Variants in FAT3 observed in about 807,000 individuals in gnomAD.
The protein encoded by FAT3 is protocadherin Fat 3.
A neutral mutation model predicts 310.2 loss-of-function variants in FAT3; 95 were observed. That is an observed-to-expected ratio of 0.31 (90% confidence interval 0.26 to 0.36). The LOEUF is 0.36. Among genes scored for constraint, FAT3 ranks in the 10% least tolerant of loss-of-function variants. The pLI, the probability that FAT3 is intolerant of heterozygous loss-of-function variation, is 1.00. For synonymous variants in FAT3, 2,314 were observed against 2,192.9 expected, an observed-to-expected ratio of 1.06 and a Z score of -1.54; for missense variants, 5,408 against 5,715.6, an observed-to-expected ratio of 0.95 and a Z score of 1.74.
intron 19 of FAT3, among the ~76,000 whole-genome samples, chr11:92,850,833 G>A (rs1948809308): frequency 6.6e-6 from 1 of 152,184 alleles, no homozygotes; most frequent in Non-Finnish European, 1.5e-5. Context: ...CATAAATATG[G>A]TAGCGAAACC....
intron 2 of FAT3, among the ~76,000 whole-genome samples, chr11:92,388,867 G>T (rs537182834): frequency 6.6e-6 from 1 of 152,292 alleles, no homozygotes; most frequent in South Asian, 2.1e-4. Flanking sequence ...GGACCAGATG[G>T]CAGACTTGTT....
At chr11:92,510,129 C>G (rs1386193522) in intron 2 of FAT3, among the ~76,000 whole-genome samples, 1 of 152,144 alleles carries the variant, frequency 6.6e-6, no homozygotes, top group Non-Finnish European at 1.5e-5. Flanking sequence ...TTCTAGATAT[C>G]TAACTGAAAT....
At chr11:92,277,048 G>C (rs1946292749) in intron 1 of FAT3, among the ~76,000 whole-genome samples, 1 of 152,164 alleles carries the variant, frequency 6.6e-6, no homozygotes, top group South Asian at 2.1e-4. Flanking sequence ...GCACCTAGCA[G>C]TTGCTAGGTG....
chr11:92,402,073 T>G (rs1950026775), intron 2 of FAT3, among the ~76,000 whole-genome samples: 1 of 152,178 alleles, frequency 6.6e-6, no homozygotes, highest in Admixed American at 6.6e-5. Context: ...TTTAATTTGT[T>G]AAAGGTTCTA....
At chr11:92,806,555 A>T in intron 12 of FAT3, 40 bp downstream of exon 12, 1 of 1,502,684 alleles carries the variant, frequency 6.7e-7, no homozygotes, top group Non-Finnish European at 9.0e-7. Flanking sequence ...GTCATTGTTA[A>T]TTCATGAGAG....
chr11:92,799,985 T>C lies in FAT3; in HGVS notation c.6972T>C (p.Tyr2324=). 1.2e-6 allele frequency: 2 copies of C among 1,613,770 alleles called. No individual in the cohort carries two copies. The highest frequency in any genetic ancestry group is 1.7e-6 in the Non-Finnish European group (2 of 1,179,794). ...ADSENNKMVH[Y]QIVQDTYNST... ...CAGAAAACAATAAAATGGTACATTA[T>C]CAGATTGTCCAGGATACCTACAATA... Residue 2324 remains tyrosine, a synonymous_variant, in exon 10 of 28, where the codon TAT becomes TAC. Transcript: ENST00000525166.
chr11:92,697,814 A>C (rs1010522675), intron 4 of FAT3, among the ~76,000 whole-genome samples: 2 of 152,142 alleles, frequency 1.3e-5, no homozygotes, highest in African/African-American at 4.8e-5. Flanking sequence ...TTTATGAGGA[A>C]GCTTTGCTTT....
chr11:92,369,163 T>C lies in FAT3; in HGVS notation c.3292+13759T>C, dbSNP rs539311350. Among the ~76,000 whole-genome samples the C allele has an allele frequency of 2.6e-5, 4 of 152,326 alleles. No individual in the cohort carries two copies. In the East Asian group the frequency reaches 7.7e-4, roughly 29 times the overall value. ...ATTTTGAACTGATGCGGTTAAAATATATTTTGCAAAATTTATAAAAATGTA... is the reference window on the plus strand; with the variant it reads ...ATTTTGAACTGATGCGGTTAAAATACATTTTGCAAAATTTATAAAAATGTA... On this transcript the variant is annotated intron_variant, in intron 2 of 27. Transcript: ENST00000525166.
At chr11:92,425,820 T>C (rs1950620237) in intron 2 of FAT3, among the ~76,000 whole-genome samples, 1 of 152,228 alleles carries the variant, frequency 6.6e-6, no homozygotes, top group African/African-American at 2.4e-5. Flanking sequence ...CCTTTGCTAT[T>C]GTGAACAGTG....
chr11:92,400,036 T>C (rs1949975239), intron 2 of FAT3, among the ~76,000 whole-genome samples: 2 of 152,182 alleles, frequency 1.3e-5, no homozygotes, highest in African/African-American at 4.8e-5. Flanking sequence ...TTGGCTTTCC[T>C]TGGCTCTTGC....
At chr11:92,666,353 A>T (rs1171011765) in intron 3 of FAT3, among the ~76,000 whole-genome samples, 3 of 140,262 alleles carry the variant, frequency 2.1e-5, no homozygotes, top group Admixed American at 7.2e-5. Context: ...AATTTGAAGG[A>T]TTTTTTTTTT....
Position 92,361,403 on chromosome 11 carries a change from A to AGGCAGAACCT in FAT3, c.3292+5999_3292+6000insGGCAGAACCT, listed in dbSNP as rs1197960983. On this transcript the variant is annotated intron_variant, in intron 2 of 27. Coordinates refer to ENST00000525166, the MANE Select transcript of FAT3 (RefSeq NM_001367949.2). Reference sequence around the variant, plus strand: ...ATAGCTCATGTTAGAACCTAATAACAAATGTATAGTGTTAAGAGGTGGGGC... The same window carrying AGGCAGAACCT: ...ATAGCTCATGTTAGAACCTAATAACAGGCAGAACCTAATGTATAGTGTTAAGAGGTGGGGC... Among the ~76,000 whole-genome samples, 61 of 151,922 alleles carry AGGCAGAACCT rather than the reference A, an allele frequency of 4.0e-4. No homozygotes were observed. In the Middle Eastern group the frequency reaches 0.02, roughly 51 times the overall value.
chr11:92,793,999 AT>A (rs1947101809), intron 9 of FAT3, among the ~76,000 whole-genome samples: 1 of 152,112 alleles, frequency 6.6e-6, no homozygotes, highest in African/African-American at 2.4e-5. Flanking sequence ...AGGCACCCAC[AT>A]TTTACATGGG....
chr11:92,319,682 A>G (rs1303743879), intron 1 of FAT3, among the ~76,000 whole-genome samples: 1 of 152,196 alleles, frequency 6.6e-6, no homozygotes, highest in African/African-American at 2.4e-5. Context: ...ATCTGCTTCT[A>G]AAAGTAATTT....
chr11:92,318,398 A>T (rs544743529), intron 1 of FAT3, among the ~76,000 whole-genome samples: 3 of 152,200 alleles, frequency 2.0e-5, no homozygotes, highest in Admixed American at 2.0e-4. Flanking sequence ...GGGGTTAGCA[A>T]TGGCAGTATG....
chr11:92,636,637 AT>A (rs1591547773), intron 3 of FAT3, among the ~76,000 whole-genome samples: 1 of 152,340 alleles, frequency 6.6e-6, no homozygotes, highest in East Asian at 1.9e-4. Context: ...AGTCAGCAAG[AT>A]TCATGACAGC....
At chr11:92,388,147 T>G (rs1949669888) in intron 2 of FAT3, among the ~76,000 whole-genome samples, 1 of 152,222 alleles carries the variant, frequency 6.6e-6, no homozygotes, top group African/African-American at 2.4e-5. Flanking sequence ...GACATTTTTA[T>G]TATTTCAGCA....
chr11:92,267,708 A>G (rs1946008404), intron 1 of FAT3, among the ~76,000 whole-genome samples: 3 of 152,208 alleles, frequency 2.0e-5, no homozygotes, highest in Admixed American at 2.0e-4. Context: ...ATATTAAAGG[A>G]AAATAAAAAG....
At chr11:92,830,916 A>T (rs545978518) in intron 13 of FAT3, among the ~76,000 whole-genome samples, 19 of 152,228 alleles carry the variant, frequency 1.2e-4, no homozygotes, top group Admixed American at 4.6e-4. Context: ...CTTAGAATAG[A>T]TGTGGAACCT....
Sources: allele counts gnomAD v4.1 joint callset (sites outside exome capture counted in the v4.1 genomes callset), GRCh38; gene constraint gnomAD v4.1.1; transcripts MANE v1.5; gene names NCBI Gene and HGNC (gene_info 2026-07-23, HGNC 2026-07-21).